Variants in RCOR1 observed in about 807,000 individuals in gnomAD.
RCOR1 encodes REST corepressor.
In RCOR1, 12 loss-of-function variants were observed where a neutral mutation model predicts 64.0. The observed-to-expected ratio is 0.19, with a 90% confidence interval of 0.12 to 0.30. RCOR1 has a LOEUF of 0.30. Among genes scored for constraint, RCOR1 ranks in the 10% least tolerant of loss-of-function variants. The pLI, the probability that RCOR1 is intolerant of heterozygous loss-of-function variation, is 1.00. For missense variants in RCOR1, 502 were observed against 621.2 expected (o/e 0.81, Z 2.04); for synonymous variants, 279 against 227.2 (o/e 1.23, Z -2.05).
At chr14:102,650,736 G>A (rs1894571443) in intron 2 of RCOR1, among the ~76,000 whole-genome samples, 1 of 152,108 alleles carries the variant, frequency 6.6e-6, no homozygotes. Context: ...GCAAAACATT[G>A]GTTATTCTGC....
At chr14:102,693,095 C>A (rs1799044684) in intron 3 of RCOR1, among the ~76,000 whole-genome samples, 1 of 152,108 alleles carries the variant, frequency 6.6e-6, no homozygotes, top group South Asian at 2.1e-4. Flanking sequence ...TTTAGATGTT[C>A]TTCTTTTTTC....
chr14:102,632,445 T>A (rs1894133923), intron 2 of RCOR1, among the ~76,000 whole-genome samples: 2 of 151,804 alleles, frequency 1.3e-5, no homozygotes, highest in Non-Finnish European at 2.9e-5. Context: ...GACCTCGTGA[T>A]CTGCCTGCCT....
chr14:102,723,453 C>A (rs1390582502), intron 11 of RCOR1, among the ~76,000 whole-genome samples: 1 of 152,160 alleles, frequency 6.6e-6, no homozygotes, highest in East Asian at 1.9e-4. Context: ...GTAAGAACAC[C>A]ATTGAAACAT....
chr14:102,709,639 G>C (rs1355091276), intron 6 of RCOR1, among the ~76,000 whole-genome samples: 2 of 152,122 alleles, frequency 1.3e-5, no homozygotes, highest in Admixed American at 6.5e-5. Flanking sequence ...TCTTTTAATT[G>C]TAAGAGCCTA....
At chr14:102,667,444 T>A (rs1029066373) in intron 2 of RCOR1, among the ~76,000 whole-genome samples, 1 of 151,978 alleles carries the variant, frequency 6.6e-6, no homozygotes, top group African/African-American at 2.4e-5. Flanking sequence ...GAGGTTGCAG[T>A]GAGCTGACAT....
At chr14:102,702,248 C>T (rs1229649172) in intron 4 of RCOR1, among the ~76,000 whole-genome samples, 1 of 152,064 alleles carries the variant, frequency 6.6e-6, no homozygotes, top group Non-Finnish European at 1.5e-5. Context: ...CTATCCTGGT[C>T]ATTGAAGCTA....
At chr14:102,626,811 A>T (rs1893991942) in intron 2 of RCOR1, among the ~76,000 whole-genome samples, 1 of 152,158 alleles carries the variant, frequency 6.6e-6, no homozygotes, top group Non-Finnish European at 1.5e-5. Context: ...TTCAGCTGGG[A>T]AGTAGAACAG....
intron 2 of RCOR1, among the ~76,000 whole-genome samples, chr14:102,616,645 C>G (rs577860249): frequency 2.0e-5 from 3 of 152,070 alleles, no homozygotes; most frequent in East Asian, 1.9e-4. Context: ...TTGAAATGGT[C>G]CCTAGCACTG....
intron 2 of RCOR1, among the ~76,000 whole-genome samples, chr14:102,616,551 G>T (rs999669052): frequency 6.6e-6 from 1 of 152,128 alleles, no homozygotes; most frequent in East Asian, 1.9e-4. Context: ...AATTACAGGT[G>T]TGAGTCATCA....
intron 2 of RCOR1, among the ~76,000 whole-genome samples, chr14:102,672,698 A>G (rs2139949934): frequency 6.6e-6 from 1 of 152,332 alleles, no homozygotes; most frequent in East Asian, 1.9e-4. Context: ...AATCAAAACC[A>G]CAGTGAGAGA....
intron 2 of RCOR1, among the ~76,000 whole-genome samples, chr14:102,681,533 A>T (rs971526849): frequency 3.3e-5 from 5 of 152,240 alleles, no homozygotes; most frequent in African/African-American, 1.2e-4. Flanking sequence ...TTCTATTGCC[A>T]AGTCACTAAA....
At chr14:102,640,255 C>T (rs1022062598) in intron 2 of RCOR1, among the ~76,000 whole-genome samples, 1 of 152,122 alleles carries the variant, frequency 6.6e-6, no homozygotes, top group African/African-American at 2.4e-5. Flanking sequence ...TGCTGGGAGC[C>T]GCTGTGCCCA....
intron 2 of RCOR1, among the ~76,000 whole-genome samples, chr14:102,621,159 A>T (rs1893863069): frequency 6.6e-6 from 1 of 152,094 alleles, no homozygotes; most frequent in Admixed American, 6.6e-5. Context: ...TTTTGTAGAG[A>T]CAGGATCTAA....
intron 2 of RCOR1, among the ~76,000 whole-genome samples, chr14:102,623,554 G>A (rs1013183029): frequency 2.0e-5 from 3 of 151,414 alleles, no homozygotes; most frequent in Non-Finnish European, 4.4e-5. Flanking sequence ...GATTATAGGC[G>A]CCCACCACCA....
chr14:102,719,874 T>C (rs1896143177), intron 8 of RCOR1, among the ~76,000 whole-genome samples: 2 of 152,208 alleles, frequency 1.3e-5, no homozygotes, highest in African/African-American at 4.8e-5. Context: ...CCTTGACTTT[T>C]TCCTGCCAAA....
intron 2 of RCOR1, among the ~76,000 whole-genome samples, chr14:102,665,017 GT>G (rs1204257881): frequency 6.6e-6 from 1 of 150,712 alleles, no homozygotes; most frequent in African/African-American, 2.4e-5. Flanking sequence ...CTTTTTTTTT[GT>G]TGTTTTTTGG....
intron 2 of RCOR1, among the ~76,000 whole-genome samples, chr14:102,680,556 C>A (rs1337885505): frequency 6.6e-6 from 1 of 152,138 alleles, no homozygotes; most frequent in Non-Finnish European, 1.5e-5. Flanking sequence ...ACCTGTAATC[C>A]CAGCACTTTG....
Position 102,592,664 on chromosome 14 carries a change from A to C in RCOR1, c.-223A>C. On this transcript the variant is annotated 5_prime_UTR_variant, in exon 1 of 12. Coordinates refer to ENST00000262241, the MANE Select transcript of RCOR1 (RefSeq NM_015156.4). The stretch of plus-strand genomic sequence containing the variant: ...CGGAGTAGTTGGTGCCAGTGAAGTG[A>C]GGGCGGCGATGAGAGCGAAAGTTGC... 8.2e-7 allele frequency: 1 copy of C among 1,216,584 alleles called. No individual in the cohort carries two copies. Among genetic ancestry groups the C allele is most frequent in the African/African-American group, 1.6e-5 (1 of 62,960 alleles). The allele number at this position is 1,216,584 out of a possible 1,614,324, so 75.4% of individuals were successfully genotyped here.
chr14:102,720,008 C>G (rs750263438), intron 8 of RCOR1, among the ~76,000 whole-genome samples: 16 of 152,176 alleles, frequency 1.1e-4, no homozygotes, highest in Non-Finnish European at 2.2e-4. Flanking sequence ...ATTGTAATGT[C>G]TAGCATGGCA....
Sources: allele counts gnomAD v4.1 joint callset (sites outside exome capture counted in the v4.1 genomes callset), GRCh38; gene constraint gnomAD v4.1.1; transcripts MANE v1.5; gene names NCBI Gene and HGNC (gene_info 2026-07-23, HGNC 2026-07-21).